UBE2R2: variants seen among roughly 807,000 people sequenced by gnomAD.
The protein encoded by UBE2R2 is ubiquitin-conjugating enzyme E2 R2.
A neutral mutation model predicts 27.8 loss-of-function variants in UBE2R2; 1 was observed. The observed-to-expected ratio is 0.04, with a 90% CI of 0.01 to 0.17. The LOEUF (loss-of-function observed/expected upper bound fraction) is 0.17, where lower values mean the gene tolerates loss of function less well. Ranked by LOEUF, UBE2R2 falls within the 10% of genes least tolerant of loss-of-function variation. The pLI is 1.00. For synonymous variants in UBE2R2, 106 were observed against 113.3 expected (o/e 0.94, Z 0.41); for missense variants, 100 against 291.0 (o/e 0.34, Z 4.78).
intron 2 of UBE2R2, among the ~76,000 whole-genome samples, chr9:33,893,496 T>C (rs1822032572): frequency 6.6e-6 from 1 of 152,236 alleles, no homozygotes; most frequent in African/African-American, 2.4e-5. Context: ...TGTTTCTCCC[T>C]TTTGTATATG....
chr9:33,848,244 AATC>A (rs1820888500), intron 1 of UBE2R2, among the ~76,000 whole-genome samples: 1 of 152,098 alleles, frequency 6.6e-6, no homozygotes, highest in South Asian at 2.1e-4. Context: ...TTAATATACT[AATC>A]ATAGTCATTT....
intron 1 of UBE2R2, among the ~76,000 whole-genome samples, chr9:33,821,768 A>G (rs1349365828): frequency 2.0e-5 from 3 of 151,674 alleles, no homozygotes; most frequent in East Asian, 2.0e-4. Flanking sequence ...GGCGTGCGCC[A>G]TGAAACCTGG....
At chr9:33,851,713 T>G (rs1820970854) in intron 1 of UBE2R2, among the ~76,000 whole-genome samples, 1 of 152,168 alleles carries the variant, frequency 6.6e-6, no homozygotes, top group African/African-American at 2.4e-5. Flanking sequence ...TCATGAGTAT[T>G]TTGTGAGGAG....
At chr9:33,847,482 CTT>C (rs1820871097) in intron 1 of UBE2R2, among the ~76,000 whole-genome samples, 1 of 152,088 alleles carries the variant, frequency 6.6e-6, no homozygotes, top group Non-Finnish European at 1.5e-5. Flanking sequence ...AATATTTACT[CTT>C]TGTGTTTGTT....
At chr9:33,888,772 C>T (rs1821918886) in intron 2 of UBE2R2, among the ~76,000 whole-genome samples, 1 of 152,214 alleles carries the variant, frequency 6.6e-6, no homozygotes, top group South Asian at 2.1e-4. Flanking sequence ...CTGCCTTGGC[C>T]TCCCAAAGTG....
intron 1 of UBE2R2, among the ~76,000 whole-genome samples, chr9:33,870,422 C>A (rs747538625): frequency 4.1e-4 from 63 of 152,146 alleles, no homozygotes; most frequent in Admixed American, 2.6e-3. Flanking sequence ...AGATTACAGG[C>A]GTGAGTTACC....
chr9:33,854,007 A>G (rs1195971477), intron 1 of UBE2R2, among the ~76,000 whole-genome samples: 2 of 152,012 alleles, frequency 1.3e-5, no homozygotes, highest in African/African-American at 4.8e-5. Flanking sequence ...CTAATGGTGT[A>G]ACTTTTTTAT....
intron 1 of UBE2R2, among the ~76,000 whole-genome samples, chr9:33,877,823 G>GTCTGTCTGTCTCTCTC: frequency 3.4e-4 from 44 of 131,106 alleles, no homozygotes; most frequent in African/African-American, 1.4e-3. Context: ...CTGTCTGTCT[G>GTCTGTCTGTCTCTCTC]TCTCTCTCTC....
At chr9:33,877,811 G>GTCTCTCTCTC in intron 1 of UBE2R2, among the ~76,000 whole-genome samples, 1 of 100,344 alleles carries the variant, frequency 1.0e-5, no homozygotes, top group African/African-American at 4.3e-5. Context: ...CTGTCTGTCT[G>GTCTCTCTCTC]TCTGTCTGTC....
At chr9:33,878,829 T>C (rs1252264816) in intron 1 of UBE2R2, among the ~76,000 whole-genome samples, 1 of 152,102 alleles carries the variant, frequency 6.6e-6, no homozygotes, top group Non-Finnish European at 1.5e-5. Context: ...TGTGTGGTGA[T>C]AGTTGGGCAC....
At chr9:33,884,198 A>ATCTCTCTCTCTCTCTC (rs777923492) in intron 1 of UBE2R2, among the ~76,000 whole-genome samples, 2,926 of 63,434 alleles carry the variant, frequency 0.046, 413 homozygotes, top group East Asian at 0.068. Flanking sequence ...CAACTTAAGA[A>ATCTCTCTCTCTCTCTC]TCTCTCTCTC....
At chr9:33,878,333 A>C (rs770381840) in intron 1 of UBE2R2, among the ~76,000 whole-genome samples, 1 of 152,168 alleles carries the variant, frequency 6.6e-6, no homozygotes, top group Non-Finnish European at 1.5e-5. Flanking sequence ...AAAGGAAGGC[A>C]GGCCAGGTGC....
intron 1 of UBE2R2, among the ~76,000 whole-genome samples, chr9:33,825,530 C>A (rs1471786920): frequency 6.6e-6 from 1 of 152,090 alleles, no homozygotes; most frequent in Non-Finnish European, 1.5e-5. Flanking sequence ...CATGAGCCAC[C>A]ACACCTGTCC....
In UBE2R2 at chr9:33,828,778, G is replaced by A. The variant is rs1458806611; in HGVS notation, c.177+10844G>A. On this transcript the variant is annotated intron_variant, in intron 1 of 4. Coordinates refer to ENST00000263228, the MANE Select transcript of UBE2R2 (RefSeq NM_017811.4). ...GATGGAGTTTTGCTCTTGTTGCCCTGGCTAGAGTGCGATGGCATGATTTTG... is the reference window on the plus strand; with the variant it reads ...GATGGAGTTTTGCTCTTGTTGCCCTAGCTAGAGTGCGATGGCATGATTTTG... Among the ~76,000 whole-genome samples, 6 of 151,286 alleles carry A rather than the reference G, an allele frequency of 4.0e-5. No individual in the cohort carries two copies. In the South Asian group the frequency reaches 1.0e-3, roughly 26 times the overall value.
intron 2 of UBE2R2, among the ~76,000 whole-genome samples, chr9:33,892,381 A>G (rs755597331): frequency 8.5e-5 from 13 of 152,162 alleles, no homozygotes; most frequent in Non-Finnish European, 1.6e-4. Flanking sequence ...ATTAGTACCT[A>G]AACATTTTTT....
chr9:33,849,885 G>T (rs1820927325), intron 1 of UBE2R2, among the ~76,000 whole-genome samples: 1 of 152,026 alleles, frequency 6.6e-6, no homozygotes, highest in African/African-American at 2.4e-5. Flanking sequence ...CCAACCCAAT[G>T]AGACAAGTAC....
intron 1 of UBE2R2, among the ~76,000 whole-genome samples, chr9:33,855,962 GTGGGAGGATTGCTTGAGCC>G (rs1821091662): frequency 6.6e-6 from 1 of 152,188 alleles, no homozygotes; most frequent in Admixed American, 6.5e-5. Context: ...GGAGGCTGAG[GTGGGAGGATTGCTTGAGCC>G]TGGGAGGTTG....
chr9:33,851,787 T>A (rs1481541369), intron 1 of UBE2R2, among the ~76,000 whole-genome samples: 4 of 152,192 alleles, frequency 2.6e-5, no homozygotes, highest in Admixed American at 2.6e-4. Flanking sequence ...TTTATTTATA[T>A]CTCAATGGAC....
intron 1 of UBE2R2, among the ~76,000 whole-genome samples, chr9:33,819,942 G>A (rs1437771307): frequency 6.6e-6 from 1 of 152,196 alleles, no homozygotes; most frequent in East Asian, 1.9e-4. Flanking sequence ...CGGCCATGAT[G>A]CCTTTTCTGA....
Sources: allele counts gnomAD v4.1 joint callset (sites outside exome capture counted in the v4.1 genomes callset), GRCh38; gene constraint gnomAD v4.1.1; transcripts MANE v1.5; gene names NCBI Gene and HGNC (gene_info 2026-07-23, HGNC 2026-07-21).